NCAM2: variants seen among roughly 807,000 people sequenced by gnomAD.
NCAM2 encodes N-CAM-2.
In NCAM2, 30 loss-of-function variants were observed where a neutral mutation model predicts 98.1. The ratio of observed to expected loss-of-function variants is 0.31; its 90% CI spans 0.23 to 0.41. NCAM2 has a LOEUF of 0.41. Ranked by LOEUF, NCAM2 falls within the 10% of genes least tolerant of loss-of-function variation. The pLI, the probability that NCAM2 is intolerant of heterozygous loss-of-function variation, is 1.00. For synonymous variants in NCAM2, 368 were observed against 342.4 expected (o/e 1.07, Z -0.83); for missense variants, 867 against 1,005.8 (o/e 0.86, Z 1.87).
intron 1 of NCAM2, among the ~76,000 whole-genome samples, chr21:21,214,715 TATATTCC>T (rs2069800275): frequency 1.4e-5 from 1 of 69,614 alleles, no homozygotes; most frequent in Non-Finnish European, 3.6e-5. Flanking sequence ...AGTAAATATA[TATATTCC>T]ATATATATAT....
At chr21:21,345,109 A>G (rs754738779) in intron 8 of NCAM2, among the ~76,000 whole-genome samples, 4 of 152,084 alleles carry the variant, frequency 2.6e-5, no homozygotes, top group Non-Finnish European at 4.4e-5. Context: ...TTAGATCACA[A>G]TACCCAAGGT....
At chr21:21,258,950 C>T (rs1043797903) in intron 1 of NCAM2, among the ~76,000 whole-genome samples, 16 of 152,094 alleles carry the variant, frequency 1.1e-4, no homozygotes, top group Non-Finnish European at 1.6e-4. Context: ...ACGGACGTGG[C>T]ACCAATTGCT....
intron 5 of NCAM2, among the ~76,000 whole-genome samples, chr21:21,320,062 C>T (rs572810651): frequency 3.3e-5 from 5 of 152,098 alleles, no homozygotes; most frequent in African/African-American, 1.2e-4. Flanking sequence ...CTGTGTTGTT[C>T]AGATAGGTTT....
chr21:21,483,614 A>C (rs1038778259), intron 15 of NCAM2, among the ~76,000 whole-genome samples: 2 of 152,094 alleles, frequency 1.3e-5, no homozygotes, highest in Non-Finnish European at 2.9e-5. Flanking sequence ...TGGTTGTTTT[A>C]GAACATAAGT....
chr21:21,499,139 C>T (rs1987453009), intron 15 of NCAM2, among the ~76,000 whole-genome samples: 1 of 152,084 alleles, frequency 6.6e-6, no homozygotes, highest in Non-Finnish European at 1.5e-5. Context: ...TTTTTAAAAA[C>T]TTGTTGATTC....
intron 1 of NCAM2, among the ~76,000 whole-genome samples, chr21:21,248,898 G>A (rs2071383141): frequency 6.8e-6 from 1 of 146,018 alleles, no homozygotes; most frequent in Non-Finnish European, 1.5e-5. Context: ...ACTTTATCTT[G>A]AATAATGGCA....
Position 21,173,417 on chromosome 21 carries a change from C to T in NCAM2, c.56-107161C>T, listed in dbSNP as rs146260643. Among the ~76,000 whole-genome samples, 419 of 152,174 alleles carry T rather than the reference C, an allele frequency of 2.8e-3. 2 individuals are homozygous for T. The highest frequency in any genetic ancestry group is 9.6e-3 in the African/African-American group (398 of 41,516). On this transcript the variant is annotated intron_variant, in intron 1 of 17. Coordinates refer to ENST00000400546, the MANE Select transcript of NCAM2 (RefSeq NM_004540.5). ...TTTTCCGTTTCATTTATAAGGTTGTCAATAGCAATGAACCTTGTATTTAGT... is the reference window on the plus strand; with the variant it reads ...TTTTCCGTTTCATTTATAAGGTTGTTAATAGCAATGAACCTTGTATTTAGT...
At chr21:21,123,231 T>C (rs2066712393) in intron 1 of NCAM2, among the ~76,000 whole-genome samples, 1 of 151,772 alleles carries the variant, frequency 6.6e-6, no homozygotes, top group African/African-American at 2.4e-5. Context: ...CGGTCTGTAC[T>C]AAAAATACAA....
At chr21:21,405,443 A>G (rs934539442) in intron 9 of NCAM2, among the ~76,000 whole-genome samples, 20 of 152,294 alleles carry the variant, frequency 1.3e-4, no homozygotes, top group African/African-American at 4.1e-4. Context: ...GGCGAGGTCC[A>G]GATGCATATT....
At chr21:21,104,135 A>G (rs184783691) in intron 1 of NCAM2, among the ~76,000 whole-genome samples, 1,599 of 152,282 alleles carry the variant, frequency 0.011, 12 homozygotes, top group Non-Finnish European at 0.016. Context: ...TGAAAAATAC[A>G]TATGTTATGA....
intron 9 of NCAM2, among the ~76,000 whole-genome samples, chr21:21,395,971 G>C (rs1280009693): frequency 6.6e-6 from 1 of 152,010 alleles, no homozygotes; most frequent in Non-Finnish European, 1.5e-5. Flanking sequence ...TCATGACCAA[G>C]AACCTAAAAG....
intron 1 of NCAM2, among the ~76,000 whole-genome samples, chr21:21,185,460 A>G (rs891971320): frequency 6.6e-6 from 1 of 152,114 alleles, no homozygotes; most frequent in Non-Finnish European, 1.5e-5. Flanking sequence ...TTCCTTCTAG[A>G]ATTATTTCTA....
chr21:21,445,297 A>T (rs1979937622), intron 12 of NCAM2, among the ~76,000 whole-genome samples: 1 of 152,184 alleles, frequency 6.6e-6, no homozygotes, highest in Non-Finnish European at 1.5e-5. Flanking sequence ...AACTGAGAAG[A>T]ATGAATATTA....
At chr21:21,008,603 TA>T (rs2064151671) in intron 1 of NCAM2, among the ~76,000 whole-genome samples, 2 of 152,202 alleles carry the variant, frequency 1.3e-5, no homozygotes, top group African/African-American at 4.8e-5. Context: ...AGATACAGCA[TA>T]TATTCCTGTT....
intron 1 of NCAM2, among the ~76,000 whole-genome samples, chr21:21,002,196 A>G (rs1357834512): frequency 2.0e-5 from 3 of 152,126 alleles, no homozygotes; most frequent in East Asian, 1.9e-4. Flanking sequence ...CTTCATATCA[A>G]AGGAGTTAGG....
At chr21:21,064,201 A>T (rs914714203) in intron 1 of NCAM2, among the ~76,000 whole-genome samples, 1 of 152,216 alleles carries the variant, frequency 6.6e-6, no homozygotes, top group Non-Finnish European at 1.5e-5. Context: ...GGCAAGGTTC[A>T]TGCCAGCCAC....
chr21:21,463,100 T>TTA (rs1983207833), intron 12 of NCAM2, among the ~76,000 whole-genome samples: 1 of 152,124 alleles, frequency 6.6e-6, no homozygotes, highest in Non-Finnish European at 1.5e-5. Flanking sequence ...TACAACTCTA[T>TTA]TATTGAGTAC....
intron 1 of NCAM2, among the ~76,000 whole-genome samples, chr21:21,220,227 CATT>C (rs2070088741): frequency 6.6e-6 from 1 of 152,166 alleles, no homozygotes; most frequent in East Asian, 1.9e-4. Context: ...ACTCACCACT[CATT>C]CATTCAGTCA....
chr21:21,094,282 T>C (rs1397274520), intron 1 of NCAM2, among the ~76,000 whole-genome samples: 1 of 151,786 alleles, frequency 6.6e-6, no homozygotes, highest in African/African-American at 2.4e-5. Context: ...GAAAGAGAAA[T>C]CAAATTGTTT....
Sources: gnomAD v4.1 joint callset for allele counts (sites outside exome capture counted in the v4.1 genomes callset) on GRCh38, gnomAD v4.1.1 for gene constraint, MANE v1.5 for transcripts, NCBI Gene and HGNC (gene_info 2026-07-23, HGNC 2026-07-21) for gene names.